Variants in RIMS2 observed in about 807,000 individuals in gnomAD.
RIMS2 encodes regulating synaptic membrane exocytosis protein 2.
Under a neutral mutation model 174.4 loss-of-function variants are expected in RIMS2, and 59 were observed. The observed-to-expected ratio is 0.34, with a 90% confidence interval of 0.27 to 0.42. RIMS2 has a LOEUF of 0.42. Ranked by LOEUF, RIMS2 falls within the 10% of genes least tolerant of loss-of-function variation. RIMS2 has a pLI of 1.00. For synonymous variants in RIMS2, 606 were observed against 572.5 expected (o/e 1.06, Z -0.84); for missense variants, 1,620 against 1,666.3 (o/e 0.97, Z 0.48).
In RIMS2 at chr8:104,197,855, T is replaced by C. The variant is rs192738537; in HGVS notation, c.3335-47061T>C. On this transcript the variant is annotated intron_variant, in intron 19 of 23. Transcript: ENST00000504942. ...GATTTCTATTTAATCTTGCTAAGGGTGTCCCTAAGGCTAGCCATCACATTT... is the reference window on the plus strand; with the variant it reads ...GATTTCTATTTAATCTTGCTAAGGGCGTCCCTAAGGCTAGCCATCACATTT... Among the ~76,000 whole-genome samples, 1,050 of 152,214 alleles carry C rather than the reference T, an allele frequency of 6.9e-3. 5 individuals are homozygous for C. Among genetic ancestry groups the C allele is most frequent in the Middle Eastern group, 0.017 (5 of 294 alleles).
At chr8:103,755,258 C>A (rs1333390394) in intron 2 of RIMS2, among the ~76,000 whole-genome samples, 2 of 152,164 alleles carry the variant, frequency 1.3e-5, no homozygotes, top group African/African-American at 4.8e-5. Flanking sequence ...ATATTGGCCC[C>A]CACTCCGTTT....
chr8:104,204,902 A>C (rs2099072510), intron 19 of RIMS2, among the ~76,000 whole-genome samples: 1 of 152,186 alleles, frequency 6.6e-6, no homozygotes, highest in Non-Finnish European at 1.5e-5. Flanking sequence ...AATATCTCTG[A>C]AAGATGAATA....
At chr8:103,805,619 T>C (rs780394067) in intron 3 of RIMS2, among the ~76,000 whole-genome samples, 1 of 152,128 alleles carries the variant, frequency 6.6e-6, no homozygotes, top group Non-Finnish European at 1.5e-5. Context: ...AATTACACAG[T>C]GCTTGAGCTG....
chr8:103,560,941 AAAC>A (rs2091484697), intron 1 of RIMS2, among the ~76,000 whole-genome samples: 1 of 152,204 alleles, frequency 6.6e-6, no homozygotes, highest in Non-Finnish European at 1.5e-5. Context: ...ACATCAGTGA[AAAC>A]AAACCAACAA....
At chr8:103,957,212 A>T (rs960591183) in intron 14 of RIMS2, among the ~76,000 whole-genome samples, 1 of 152,200 alleles carries the variant, frequency 6.6e-6, no homozygotes, top group East Asian at 1.9e-4. Context: ...AGGATCTAGA[A>T]CTAGAAATAC....
rs746147795 is a variant in RIMS2 at position 103,910,395 on chromosome 8, C to T, written c.1692+194C>T. 1.2e-5 allele frequency: 19 copies of T among 1,596,572 alleles called. No individual in the cohort carries two copies. In the South Asian group the frequency reaches 2.0e-4, roughly 17 times the overall value. ...GGACTCTAACACCAGGTCTGAGAGACAAAAGGAAATGATGTACTTTGGTGG... is the reference window on the plus strand; with the variant it reads ...GGACTCTAACACCAGGTCTGAGAGATAAAAGGAAATGATGTACTTTGGTGG... On this transcript the variant is annotated intron_variant, in intron 5 of 23. Coordinates refer to ENST00000504942, the Ensembl canonical transcript of RIMS2.
At chr8:103,930,176 G>A (rs1419083432) in intron 11 of RIMS2, among the ~76,000 whole-genome samples, 1 of 151,010 alleles carries the variant, frequency 6.6e-6, no homozygotes, top group Admixed American at 6.6e-5. Flanking sequence ...GATTCCATTT[G>A]GCAAAAAAAA....
At chr8:103,622,427 T>C (rs1047164377) in intron 1 of RIMS2, among the ~76,000 whole-genome samples, 1 of 152,182 alleles carries the variant, frequency 6.6e-6, no homozygotes, top group Non-Finnish European at 1.5e-5. Context: ...AAAATGTTAC[T>C]AGTATTTCAA....
intron 19 of RIMS2, among the ~76,000 whole-genome samples, chr8:104,233,167 AT>A (rs1274204924): frequency 6.6e-6 from 1 of 152,182 alleles, no homozygotes; most frequent in South Asian, 2.1e-4. Flanking sequence ...ACCACCCAAT[AT>A]CCATGCATTC....
At chr8:103,648,704 G>C (rs117937810) in intron 1 of RIMS2, among the ~76,000 whole-genome samples, 6,520 of 152,130 alleles carry the variant, frequency 0.043, 262 homozygotes, top group East Asian at 0.16. Context: ...AACTTTCATT[G>C]TCTTTTTTGA....
At chr8:104,215,580 T>C (rs757838641) in intron 19 of RIMS2, among the ~76,000 whole-genome samples, 1 of 152,236 alleles carries the variant, frequency 6.6e-6, no homozygotes, top group Non-Finnish European at 1.5e-5. Flanking sequence ...CTCAAAGTGC[T>C]GTTCATCTCA....
chr8:103,766,186 T>C (rs1225758811), intron 2 of RIMS2, 41 bp from the exon 6 acceptor site: 2 of 1,414,034 alleles, frequency 1.4e-6, no homozygotes, highest in South Asian at 1.3e-5. Flanking sequence ...TTTTTAACTT[T>C]TGGGAACACT....
At chr8:104,149,730 A>G (rs2098673970) in intron 19 of RIMS2, among the ~76,000 whole-genome samples, 1 of 152,198 alleles carries the variant, frequency 6.6e-6, no homozygotes, top group Admixed American at 6.5e-5. Flanking sequence ...ACTCTTGTAC[A>G]TAGAAGTCAG....
intron 3 of RIMS2, among the ~76,000 whole-genome samples, chr8:103,861,206 C>T (rs2154499984): frequency 6.6e-6 from 1 of 151,274 alleles, no homozygotes; most frequent in Non-Finnish European, 1.5e-5. Context: ...GTTTAGCTCC[C>T]ACTTACAAGT....
At chr8:103,982,711 T>C (rs2094015161) in intron 16 of RIMS2, among the ~76,000 whole-genome samples, 1 of 152,072 alleles carries the variant, frequency 6.6e-6, no homozygotes, top group Non-Finnish European at 1.5e-5. Flanking sequence ...CCCTTCAAGA[T>C]AAAAACCCTC....
intron 1 of RIMS2, among the ~76,000 whole-genome samples, chr8:103,641,528 G>A (rs543994821): frequency 6.6e-5 from 10 of 152,042 alleles, no homozygotes; most frequent in African/African-American, 2.2e-4. Context: ...CCCCAATCTC[G>A]TGATGCTATA....
rs149049188 is a variant in RIMS2, at chr8:103,889,953, G to C, written c.1624+3730G>C. Among the ~76,000 whole-genome samples the C allele has an allele frequency of 1.9e-3, 290 of 151,976 alleles. 1 individual carries two copies. Among genetic ancestry groups the C allele is most frequent in the African/African-American group, 6.8e-3 (281 of 41,516 alleles). The stretch of plus-strand genomic sequence containing the variant: ...ACCCTGGTTCTGTCCTTCACTATGT[G>C]ATTTTGTTCTACCTTTTTAACCACT... On this transcript the variant is annotated intron_variant, in intron 4 of 23. Coordinates refer to ENST00000504942, the Ensembl canonical transcript of RIMS2.
intron 15 of RIMS2, among the ~76,000 whole-genome samples, chr8:103,966,666 A>G (rs948214905): frequency 3.3e-5 from 5 of 151,918 alleles, no homozygotes; most frequent in African/African-American, 1.2e-4. Flanking sequence ...TTTGCATTTA[A>G]TTTGCTCTTC....
chr8:103,569,177 T>G (rs1003430078), intron 1 of RIMS2, among the ~76,000 whole-genome samples: 1 of 152,216 alleles, frequency 6.6e-6, no homozygotes, highest in Non-Finnish European at 1.5e-5. Context: ...GGCTTTGACA[T>G]TTAGGTCTTT....
Sources: allele counts gnomAD v4.1 joint callset (sites outside exome capture counted in the v4.1 genomes callset), GRCh38; gene constraint gnomAD v4.1.1; transcripts MANE v1.5; gene names NCBI Gene and HGNC (gene_info 2026-07-23, HGNC 2026-07-21).